Variants in STK40 observed in about 807,000 individuals in gnomAD.
STK40 encodes serine/threonine kinase 40.
In STK40, 13 loss-of-function variants were observed where a neutral mutation model predicts 47.9. The observed-to-expected ratio is 0.27, with a 90% CI of 0.18 to 0.43. STK40 has a LOEUF of 0.43. STK40 is among the 20% of genes least tolerant of loss of function. The pLI is 1.00. For synonymous variants in STK40, 225 were observed against 243.2 expected, an observed-to-expected ratio of 0.93 and a Z score of 0.69; for missense variants, 460 against 595.1, an observed-to-expected ratio of 0.77 and a Z score of 2.36.
At chr1:36,378,898 C>G (rs983297177) in intron 1 of STK40, among the ~76,000 whole-genome samples, 3 of 152,190 alleles carry the variant, frequency 2.0e-5, no homozygotes, top group African/African-American at 7.2e-5. Flanking sequence ...TAGCAGGACT[C>G]TTGCTCCCCA....
rs760721436 is a variant in STK40, at chr1:36,356,705, A to T, written c.343-1272T>A. ...CTCCCAAAGTGCTGGGTTTACAGGCATAAGCTACCTCGCCCGGCCTCCACA... is the reference window on the plus strand; with the variant it reads ...CTCCCAAAGTGCTGGGTTTACAGGCTTAAGCTACCTCGCCCGGCCTCCACA... On this transcript the variant is annotated intron_variant, in intron 4 of 10. Coordinates refer to ENST00000373132, the MANE Select transcript of STK40 (RefSeq NM_001282547.2). 7.2e-5 allele frequency among the ~76,000 whole-genome samples: 11 copies of T among 152,254 alleles called. No homozygotes were observed. In the East Asian group the frequency reaches 2.1e-3, roughly 29 times the overall value.
intron 1 of STK40, among the ~76,000 whole-genome samples, chr1:36,366,584 G>A (rs2124743666): frequency 6.6e-6 from 1 of 152,194 alleles, no homozygotes; most frequent in South Asian, 2.1e-4. Flanking sequence ...TCCCTCCAGA[G>A]ACACGCCTGC....
intron 1 of STK40, chr1:36,365,912 T>TA (rs1248674437): frequency 3.9e-5 from 6 of 152,170 alleles, no homozygotes; most frequent in Admixed American, 3.9e-4. Flanking sequence ...TAAACATATA[T>TA]ATAAAACCAC....
Position 36,348,780 on chromosome 1 carries a change from C to A in STK40, c.659G>T (p.Gly220Val). Residue 220 changes from glycine to valine, a missense_variant, in exon 7 of 11, where the codon GGG (glycine) becomes GTG (valine). Gly to Val is a moderately radical substitution (Grantham distance 109). Transcript: ENST00000373132. ...GTCCCCCTCGCTCACCAGATGCTTC[C>A]CGAGGCAGAAGTTGGTGATGGTTAT... Reference protein sequence around the residue: ...HRITITNFCLGKHLVSEGDLL... With the variant: ...HRITITNFCLVKHLVSEGDLL... 1 of 1,609,046 alleles carries A rather than the reference C, an allele frequency of 6.2e-7. No homozygotes were observed. The highest frequency in any genetic ancestry group is 2.2e-5 in the East Asian group (1 of 44,642).
intron 4 of STK40, among the ~76,000 whole-genome samples, chr1:36,356,418 C>CTTTTTTTTTTT (rs1002682531): frequency 3.4e-4 from 40 of 116,810 alleles, no homozygotes; most frequent in Non-Finnish European, 5.1e-4. Flanking sequence ...TCTTCTTTTT[C>CTTTTTTTTTTT]TTTTTTTTTT....
intron 6 of STK40, among the ~76,000 whole-genome samples, chr1:36,349,909 G>A (rs1646735976): frequency 6.6e-6 from 1 of 152,192 alleles, no homozygotes; most frequent in Admixed American, 6.5e-5. Context: ...AGGGGGAGAA[G>A]CTGGGAGGAC....
At chr1:36,353,002 C>T (rs1008495973) in intron 6 of STK40, among the ~76,000 whole-genome samples, 4 of 152,234 alleles carry the variant, frequency 2.6e-5, no homozygotes, top group African/African-American at 9.6e-5. Flanking sequence ...TGAGATGGGG[C>T]ACAAGGCAAT....
At chr1:36,347,501 C>T (rs1340216021) in intron 7 of STK40, among the ~76,000 whole-genome samples, 3 of 152,198 alleles carry the variant, frequency 2.0e-5, no homozygotes, top group African/African-American at 7.2e-5. Flanking sequence ...CTCTCTGAGC[C>T]TCAATTTCCT....
chr1:36,367,522 A>G (rs2124744514), intron 1 of STK40, among the ~76,000 whole-genome samples: 1 of 152,358 alleles, frequency 6.6e-6, no homozygotes, highest in South Asian at 2.1e-4. Context: ...GTGAAAGCCA[A>G]GCCATCAGAG....
intron 1 of STK40, among the ~76,000 whole-genome samples, chr1:36,382,180 G>A (rs1448749792): frequency 6.6e-6 from 1 of 151,724 alleles, no homozygotes; most frequent in Non-Finnish European, 1.5e-5. Context: ...TTACTCCCAT[G>A]TATACTTTTT....
intron 1 of STK40, among the ~76,000 whole-genome samples, chr1:36,367,491 C>T (rs948827913): frequency 7.9e-5 from 12 of 152,192 alleles, no homozygotes; most frequent in Admixed American, 4.6e-4. Context: ...GCAACGTGAG[C>T]CCAGATCTCC....
chr1:36,375,652 T>C (rs965067662), intron 1 of STK40, among the ~76,000 whole-genome samples: 2 of 152,214 alleles, frequency 1.3e-5, no homozygotes, highest in African/African-American at 4.8e-5. Flanking sequence ...ACAATTATCC[T>C]GTGAGAAAGG....
chr1:36,383,334 G>A (rs1647056750), intron 1 of STK40, among the ~76,000 whole-genome samples: 1 of 152,216 alleles, frequency 6.6e-6, no homozygotes, highest in Non-Finnish European at 1.5e-5. Flanking sequence ...CTTTACAACT[G>A]GCCTTCTGAG....
intron 4 of STK40, among the ~76,000 whole-genome samples, chr1:36,357,945 C>T (rs1646819518): frequency 6.6e-6 from 1 of 152,190 alleles, no homozygotes; most frequent in Admixed American, 6.5e-5. Context: ...TGACTTCTTG[C>T]TTTCCTCTTT....
chr1:36,350,855 G>A (rs1189523356), intron 6 of STK40, among the ~76,000 whole-genome samples: 1 of 152,240 alleles, frequency 6.6e-6, no homozygotes, highest in East Asian at 1.9e-4. Context: ...GCTCTGCAGG[G>A]CTGAGCGGCA....
At chr1:36,348,559 TG>T in intron 7 of STK40, 140 bp downstream of exon 7, 1 of 671,172 alleles carries the variant, frequency 1.5e-6, no homozygotes, top group Non-Finnish European at 2.6e-6. Flanking sequence ...ACATTTTGTA[TG>T]GGGAGGGACA....
At chr1:36,360,900 G>A (rs1239160006) in intron 2 of STK40, among the ~76,000 whole-genome samples, 3 of 152,250 alleles carry the variant, frequency 2.0e-5, no homozygotes, top group Admixed American at 6.5e-5. Context: ...CTGTGAGCAC[G>A]TCACCATTCT....
At chr1:36,371,447 G>A (rs1438365112) in intron 1 of STK40, among the ~76,000 whole-genome samples, 2 of 151,492 alleles carry the variant, frequency 1.3e-5, no homozygotes, top group Admixed American at 6.6e-5. Context: ...CCAGCTACTC[G>A]GGAGGCTGAG....
chr1:36,358,854 C>T lies in STK40; in HGVS notation c.113-32G>A, dbSNP rs374731683. The T allele has an allele frequency of 2.5e-5, 40 of 1,613,940 alleles. No individual in the cohort carries two copies. In the African/African-American group the frequency reaches 4.3e-4, roughly 17 times the overall value. Reference sequence around the variant, plus strand: ...CACAGAGAGCTGCTGGTCTACTTTTCAGAAGCCCTGGCTGTCACGACGCCA... The same window carrying T: ...CACAGAGAGCTGCTGGTCTACTTTTTAGAAGCCCTGGCTGTCACGACGCCA... On this transcript the variant is annotated intron_variant, in intron 2 of 10. Transcript: ENST00000373132.
Sources: allele counts gnomAD v4.1 joint callset (sites outside exome capture counted in the v4.1 genomes callset), GRCh38; gene constraint gnomAD v4.1.1; transcripts MANE v1.5; gene names NCBI Gene and HGNC (gene_info 2026-07-23, HGNC 2026-07-21).